The following FAM193A variants were observed in gnomAD, a reference collection of about 807,000 sequenced individuals.
FAM193A encodes family with sequence similarity 193 member A.
A neutral mutation model predicts 126.5 loss-of-function variants in FAM193A; 22 were observed. That is an observed-to-expected ratio of 0.17 (90% CI 0.12 to 0.25). The LOEUF (loss-of-function observed/expected upper bound fraction) is 0.25. FAM193A is among the 10% of genes least tolerant of loss of function. FAM193A has a pLI of 1.00. For synonymous variants in FAM193A, 761 were observed against 646.8 expected (o/e 1.18, Z -2.68); for missense variants, 1,675 against 1,672.8 (o/e 1.00, Z -0.02).
At chr4:2,656,741 A>G (rs954683980) in intron 7 of FAM193A, among the ~76,000 whole-genome samples, 4 of 152,214 alleles carry the variant, frequency 2.6e-5, no homozygotes, top group African/African-American at 7.2e-5. Flanking sequence ...ATTAGGTGAA[A>G]TCTCGAACAC....
chr4:2,670,135 CTT>C (rs1389334020), intron 12 of FAM193A, among the ~76,000 whole-genome samples: 1 of 152,170 alleles, frequency 6.6e-6, no homozygotes, highest in Non-Finnish European at 1.5e-5. Context: ...CCCCTCATCT[CTT>C]CTCTCTCTTC....
chr4:2,546,784 C>G (rs1737581485), intron 1 of FAM193A, among the ~76,000 whole-genome samples: 1 of 151,974 alleles, frequency 6.6e-6, no homozygotes, highest in East Asian at 1.9e-4. Flanking sequence ...AGGTAAATAC[C>G]AAGGAGTAGG....
chr4:2,714,127 G>A (rs748835112), intron 19 of FAM193A, among the ~76,000 whole-genome samples: 22 of 152,004 alleles, frequency 1.4e-4, no homozygotes, highest in Non-Finnish European at 3.2e-4. Flanking sequence ...TCTTGTGGGC[G>A]GCTGCTGACA....
intron 10 of FAM193A, 99 bp from the exon 11 acceptor site, chr4:2,662,739 G>A: frequency 3.5e-6 from 3 of 847,012 alleles, no homozygotes; most frequent in Non-Finnish European, 5.6e-6. Flanking sequence ...GTAAATGAAA[G>A]CCGTGATCTG....
chr4:2,643,748 A>G (rs745681401), intron 6 of FAM193A, among the ~76,000 whole-genome samples: 9 of 152,196 alleles, frequency 5.9e-5, no homozygotes, highest in Non-Finnish European at 1.2e-4. Context: ...GGCCACCTCC[A>G]TCCTCTGTCC....
rs116453707 is a variant in FAM193A, at chr4:2,555,230, T to C, written c.255+18060T>C. On this transcript the variant is annotated intron_variant, in intron 1 of 20. Transcript: ENST00000637812. Reference sequence around the variant, plus strand: ...TACATGAACATGGTGACACAAGCCATCTTCATTTTAGAGTTTGACCAGTAT... The same window carrying C: ...TACATGAACATGGTGACACAAGCCACCTTCATTTTAGAGTTTGACCAGTAT... Among the ~76,000 whole-genome samples the C allele has an allele frequency of 3.6e-3, 544 of 152,316 alleles. 1 individual carries two copies. Among genetic ancestry groups the C allele is most frequent in the African/African-American group, 0.012 (516 of 41,568 alleles).
intron 20 of FAM193A, among the ~76,000 whole-genome samples, chr4:2,721,121 G>A (rs576200501): frequency 6.6e-6 from 1 of 152,118 alleles, no homozygotes; most frequent in Non-Finnish European, 1.5e-5. Flanking sequence ...AAACCATCCT[G>A]GCTAACACGG....
At chr4:2,552,056 G>T (rs1301483013) in intron 1 of FAM193A, among the ~76,000 whole-genome samples, 1 of 138,626 alleles carries the variant, frequency 7.2e-6, no homozygotes, top group African/African-American at 2.7e-5. Context: ...CTGTCGCCCA[G>T]CCTGGAGTGC....
At chr4:2,548,267 C>T (rs963703128) in intron 1 of FAM193A, among the ~76,000 whole-genome samples, 1 of 151,676 alleles carries the variant, frequency 6.6e-6, no homozygotes, top group Non-Finnish European at 1.5e-5. Flanking sequence ...GATGGGGCTT[C>T]ACCATGTTGG....
intron 13 of FAM193A, among the ~76,000 whole-genome samples, chr4:2,683,069 T>C (rs1488083717): frequency 1.3e-5 from 2 of 152,214 alleles, no homozygotes; most frequent in African/African-American, 4.8e-5. Flanking sequence ...AAGTCTTTAT[T>C]TCTCCTTCAC....
At chr4:2,685,397 A>T (rs1432627228) in intron 13 of FAM193A, among the ~76,000 whole-genome samples, 2 of 152,248 alleles carry the variant, frequency 1.3e-5, no homozygotes, top group Non-Finnish European at 2.9e-5. Flanking sequence ...GTGCAGATTT[A>T]GATTGGGCAG....
chr4:2,623,039 C>A (rs921854083), intron 2 of FAM193A, among the ~76,000 whole-genome samples: 2 of 152,068 alleles, frequency 1.3e-5, no homozygotes. Context: ...TGCTGTCCCG[C>A]ACTCTGCCCC....
At chr4:2,619,449 C>T (rs779098951) in intron 2 of FAM193A, among the ~76,000 whole-genome samples, 2 of 151,746 alleles carry the variant, frequency 1.3e-5, no homozygotes, top group South Asian at 2.1e-4. Flanking sequence ...ATTACAGGCA[C>T]GTGCCACCAT....
chr4:2,536,839 C>T lies in FAM193A; in HGVS notation c.-77C>T, dbSNP rs1736904252. 2 of 147,486 alleles carry T rather than the reference C, an allele frequency of 1.4e-5. No homozygotes were observed. The highest frequency in any genetic ancestry group is 6.8e-5 in the Admixed American group (1 of 14,748). The allele number at this position is 147,486 out of a possible 1,614,324, so 9.1% of individuals were successfully genotyped here. A position where few individuals can be genotyped will look rare whatever the true frequency, so the allele number is the denominator to read the frequency against. On this transcript the variant is annotated 5_prime_UTR_variant, in exon 1 of 21. Coordinates refer to ENST00000637812, the MANE Select transcript of FAM193A (RefSeq NM_001366318.2). ...GGAGCGCCCGCCGCCGCGGCCGCCT[C>T]AGCCTCCCCGCCTTCCCCGCCCTCC...
intron 20 of FAM193A, among the ~76,000 whole-genome samples, chr4:2,729,646 G>A (rs776111400): frequency 2.6e-5 from 4 of 152,058 alleles, no homozygotes; most frequent in African/African-American, 7.2e-5. Flanking sequence ...ATACGGATTC[G>A]CCACCGGCAA....
intron 18 of FAM193A, among the ~76,000 whole-genome samples, chr4:2,697,324 C>T (rs1717153284): frequency 6.6e-6 from 1 of 152,126 alleles, no homozygotes; most frequent in Non-Finnish European, 1.5e-5. Flanking sequence ...CCACTGCCCT[C>T]CAGCCTGGGT....
At chr4:2,629,128 C>T (rs925721680) in intron 4 of FAM193A, among the ~76,000 whole-genome samples, 7 of 151,782 alleles carry the variant, frequency 4.6e-5, no homozygotes, top group South Asian at 2.1e-4. Flanking sequence ...CACCCTGCCC[C>T]GCTGCCTTCT....
intron 20 of FAM193A, among the ~76,000 whole-genome samples, chr4:2,730,491 G>C (rs1721249468): frequency 6.6e-6 from 1 of 151,964 alleles, no homozygotes. Flanking sequence ...GATATTGAGA[G>C]CATCCTGGCT....
intron 19 of FAM193A, among the ~76,000 whole-genome samples, chr4:2,703,128 G>A (rs908440185): frequency 3.9e-5 from 6 of 152,090 alleles, no homozygotes; most frequent in African/African-American, 1.4e-4. Flanking sequence ...ACATCAGTTC[G>A]TAGAGATTGT....
Sources: gnomAD v4.1 joint callset for allele counts (sites outside exome capture counted in the v4.1 genomes callset) on GRCh38, gnomAD v4.1.1 for gene constraint, MANE v1.5 for transcripts, NCBI Gene and HGNC (gene_info 2026-07-23, HGNC 2026-07-21) for gene names.